Variants in ZHX1 observed in about 807,000 individuals in gnomAD.
ZHX1 encodes the protein zinc fingers and homeoboxes 1.
ZHX1 carries 20 observed loss-of-function variants against 61.8 expected under a neutral mutation model. The ratio of observed to expected loss-of-function variants is 0.32; its 90% CI spans 0.23 to 0.47. The LOEUF (loss-of-function observed/expected upper bound fraction) is 0.47. Ranked by LOEUF, ZHX1 falls within the 20% of genes least tolerant of loss-of-function variation. ZHX1 has a pLI of 1.00. For synonymous variants in ZHX1, 318 were observed against 352.6 expected, an observed-to-expected ratio of 0.90 and a Z score of 1.10; for missense variants, 800 against 1,034.8, an observed-to-expected ratio of 0.77 and a Z score of 3.11.
chr8:123,272,973 A>ATTTTTT (rs148214782), intron 1 of ZHX1, among the ~76,000 whole-genome samples: 31 of 145,052 alleles, frequency 2.1e-4, no homozygotes, highest in African/African-American at 7.5e-4. Context: ...AGCTCTTCGC[A>ATTTTTT]TTTTTTTTTT....
chr8:123,267,177 G>T (rs1826485942), intron 2 of ZHX1, 96 bp downstream of exon 2: 1 of 1,171,712 alleles, frequency 8.5e-7, no homozygotes, highest in Non-Finnish European at 1.2e-6. Flanking sequence ...TTTAAGGAAA[G>T]CTTTTAAAAA....
At position 123,255,772 on chromosome 8, in the gene ZHX1, C is replaced by A; in HGVS notation, c.175G>T (p.Asp59Tyr). The A allele has an allele frequency of 6.2e-7, 1 of 1,614,060 alleles. No individual in the cohort carries two copies. The highest frequency in any genetic ancestry group is 1.1e-5 in the South Asian group (1 of 91,058). The change falls in exon 3 of 4, where the codon GAC becomes TAC. Residue 59 changes from aspartate to tyrosine, a missense_variant. Physicochemically the swap from Asp to Tyr is radical, Grantham distance 160. Transcript: ENST00000395571. ...TCAACTTTTTTATTTTGCTGATTGT[C>A]TGAATCCACAGATTCATGAACCTCT... ...DEEVHESVDS[D>Y]NQQNKKVEGG...
chr8:123,261,281 C>A (rs1393788888), intron 2 of ZHX1, among the ~76,000 whole-genome samples: 2 of 152,096 alleles, frequency 1.3e-5, no homozygotes, highest in Non-Finnish European at 2.9e-5. Flanking sequence ...AATCTTAGTA[C>A]AACTGCCCCA....
At chr8:123,266,358 G>A (rs568274623) in intron 2 of ZHX1, among the ~76,000 whole-genome samples, 9 of 152,180 alleles carry the variant, frequency 5.9e-5, no homozygotes, top group African/African-American at 1.4e-4. Context: ...TAATGGTAAG[G>A]TAACTGTTAC....
chr8:123,256,420 A>G (rs1826070807), intron 2 of ZHX1, among the ~76,000 whole-genome samples: 1 of 152,188 alleles, frequency 6.6e-6, no homozygotes, highest in Non-Finnish European at 1.5e-5. Flanking sequence ...AGCCAGCTAT[A>G]TATTAGAAGA....
intron 3 of ZHX1, among the ~76,000 whole-genome samples, chr8:123,251,335 C>G (rs1047375143): frequency 6.6e-6 from 1 of 152,106 alleles, no homozygotes; most frequent in Non-Finnish European, 1.5e-5. Context: ...CATAAATTAC[C>G]CAGTCTCAGG....
chr8:123,250,947 G>T (rs534011375), intron 3 of ZHX1, among the ~76,000 whole-genome samples: 5 of 152,194 alleles, frequency 3.3e-5, no homozygotes, highest in Non-Finnish European at 7.3e-5. Context: ...ATTATTAAGG[G>T]ACAGTGATAC....
chr8:123,267,151 C>T, intron 2 of ZHX1, 122 bp downstream of exon 2: 3 of 779,068 alleles, frequency 3.9e-6, no homozygotes, highest in Non-Finnish European at 1.9e-6. Context: ...AAGTGTTAAG[C>T]ATATGTCTGC....
chr8:123,266,575 T>C (rs934336648), intron 2 of ZHX1, among the ~76,000 whole-genome samples: 5 of 152,128 alleles, frequency 3.3e-5, no homozygotes, highest in Non-Finnish European at 7.4e-5. Context: ...TAAAAGCCAA[T>C]TAATTAATCA....
chr8:123,275,060 G>A (rs986452412), upstream of ZHX1, among the ~76,000 whole-genome samples: 4 of 152,212 alleles, frequency 2.6e-5, no homozygotes, highest in African/African-American at 9.6e-5. Context: ...GTTCAGTTCA[G>A]CTGCACTCAG....
At chr8:123,270,561 G>A (rs1826614586) in intron 1 of ZHX1, among the ~76,000 whole-genome samples, 1 of 151,894 alleles carries the variant, frequency 6.6e-6, no homozygotes, top group South Asian at 2.1e-4. Context: ...CAGAAGGATT[G>A]CTTGAGGCCA....
intron 2 of ZHX1, among the ~76,000 whole-genome samples, chr8:123,263,677 T>C (rs901611528): frequency 3.3e-5 from 5 of 151,914 alleles, no homozygotes; most frequent in African/African-American, 1.2e-4. Context: ...ACTAAAAAAA[T>C]ACAAAAATTA....
intron 2 of ZHX1, among the ~76,000 whole-genome samples, chr8:123,256,485 A>G (rs1826071868): frequency 6.6e-6 from 1 of 152,236 alleles, no homozygotes; most frequent in African/African-American, 2.4e-5. Context: ...TGAAATGGCA[A>G]TGTTAACAAG....
chr8:123,254,934 T>C lies in ZHX1; in HGVS notation c.1013A>G (p.Lys338Arg). 1 of 1,614,236 alleles carries C rather than the reference T, an allele frequency of 6.2e-7. No individual in the cohort carries two copies. Among genetic ancestry groups the C allele is most frequent in the African/African-American group, 1.3e-5 (1 of 75,072 alleles). The change falls in exon 3 of 4, where the codon AAA becomes AGA. Residue 338 changes from lysine to arginine, a missense_variant. Physicochemically the swap from Lys to Arg is conservative, Grantham distance 26. Coordinates refer to ENST00000395571, the MANE Select transcript of ZHX1 (RefSeq NM_007222.5). The surrounding 1 kb of genome is among the most constrained non-coding windows in gnomAD (Gnocchi z 4.1). ...CTCGGGAGTCCAACTAACACCATGT[T>C]TTAAACGTTGGGCTGAAAACCATAT... The part of the protein sequence containing the change: ...IKIWFSAQRL[K>R]HGVSWTPEEV...
At position 123,253,951 on chromosome 8, in the gene ZHX1, T is replaced by C; in HGVS notation, c.1996A>G (p.Lys666Glu). 1 of 1,614,216 alleles carries C rather than the reference T, an allele frequency of 6.2e-7. No individual in the cohort carries two copies. Among genetic ancestry groups the C allele is most frequent in the Non-Finnish European group, 8.5e-7 (1 of 1,180,032 alleles). ...ATGTGCAGCTGCTCAGGTGTTTTTT[T>C]ACATATCTTGCCTGTACTCCCTGAC... ...PKSGSTGKIC[K>E]KTPEQLHMLK... Residue 666 changes from lysine (K) to glutamate (E), a missense_variant, in exon 3 of 4, where the codon AAA (lysine) becomes GAA (glutamate). Lys to Glu is a moderately conservative substitution (Grantham distance 56, BLOSUM62 1). Coordinates refer to ENST00000395571, the MANE Select transcript of ZHX1 (RefSeq NM_007222.5).
chr8:123,273,253 G>A (rs953538193), intron 1 of ZHX1, among the ~76,000 whole-genome samples: 1 of 152,124 alleles, frequency 6.6e-6, no homozygotes, highest in Non-Finnish European at 1.5e-5. Flanking sequence ...ACAAAGAATT[G>A]CCAAGTCCCT....
At chr8:123,274,661 CT>C (rs1363991494), upstream of ZHX1, among the ~76,000 whole-genome samples, 4 of 152,048 alleles carry the variant, frequency 2.6e-5, no homozygotes, top group African/African-American at 9.6e-5. Flanking sequence ...GCTCCGCCCC[CT>C]GTCAGGAGAC....
intron 2 of ZHX1, among the ~76,000 whole-genome samples, chr8:123,261,760 C>T (rs933476959): frequency 2.0e-5 from 3 of 151,964 alleles, no homozygotes; most frequent in African/African-American, 7.3e-5. Flanking sequence ...ATTTTCAGTC[C>T]CTGAAAAATT....
chr8:123,264,367 T>C (rs1826382947), intron 2 of ZHX1, among the ~76,000 whole-genome samples: 1 of 152,178 alleles, frequency 6.6e-6, no homozygotes, highest in South Asian at 2.1e-4. Context: ...TTGTTTCAAA[T>C]TCTATGCTTA....
Sources: gnomAD v4.1 joint callset for allele counts (sites outside exome capture counted in the v4.1 genomes callset) on GRCh38, gnomAD v4.1.1 for gene constraint, Gnocchi (gnomAD v3.1) non-coding constraint, MANE v1.5 for transcripts, NCBI Gene and HGNC (gene_info 2026-07-23, HGNC 2026-07-21) for gene names.